IQGAP2: variants seen among roughly 807,000 people sequenced by gnomAD.
IQGAP2 encodes the protein ras GTPase-activating-like protein IQGAP2.
Under a neutral mutation model 201.3 loss-of-function variants are expected in IQGAP2, and 173 were observed. The observed-to-expected ratio is 0.86, with a 90% confidence interval of 0.76 to 0.98. The LOEUF (loss-of-function observed/expected upper bound fraction) is 0.98. Among genes scored for constraint, IQGAP2 ranks in the 50% least tolerant of loss-of-function variants. IQGAP2 has a pLI of 0.00. For missense variants in IQGAP2, 1,687 were observed against 1,864.8 expected (o/e 0.90, Z 1.76); for synonymous variants, 675 against 673.9 (o/e 1.00, Z -0.03).
At chr5:76,701,649 C>T (rs1203226008) in intron 34 of IQGAP2, 1 of 155,052 alleles carries the variant, frequency 6.4e-6, no homozygotes, top group Non-Finnish European at 1.4e-5. Flanking sequence ...TCCTTCACAG[C>T]CCCACATCAG....
chr5:76,707,016 G>A (rs1370394399), intron 35 of IQGAP2, among the ~76,000 whole-genome samples, 184 bp from the exon 36 acceptor site: 4 of 152,212 alleles, frequency 2.6e-5, no homozygotes, highest in African/African-American at 9.6e-5. Flanking sequence ...CTGGCTACTC[G>A]GGAGGCTGAG....
chr5:76,621,926 C>T (rs898155240), intron 13 of IQGAP2, among the ~76,000 whole-genome samples: 5 of 152,186 alleles, frequency 3.3e-5, no homozygotes, highest in African/African-American at 1.2e-4. Context: ...GGAGAGAATA[C>T]AGTCATGGAT....
chr5:76,698,449 A>AT (rs1271116539), intron 33 of IQGAP2, among the ~76,000 whole-genome samples: 1 of 152,120 alleles, frequency 6.6e-6, no homozygotes, highest in African/African-American at 2.4e-5. Flanking sequence ...TTAGCCAAAG[A>AT]TTTTTTTAAA....
At position 76,473,833 on chromosome 5, in the gene IQGAP2, T is replaced by C. The variant is rs151041661; in HGVS notation, c.146+12164T>C. ...GGCTTTTTGTTGAAACATCAAAAGG[T>C]ATGAGTAGCAAACAGCACTGAGATC... On this transcript the variant is annotated intron_variant, in intron 2 of 35. Transcript: ENST00000274364. Among the ~76,000 whole-genome samples the C allele has an allele frequency of 9.2e-5, 14 of 152,256 alleles. No individual in the cohort carries two copies. The East Asian group carries it at 2.5e-3, about 27-fold the overall frequency.
intron 2 of IQGAP2, among the ~76,000 whole-genome samples, chr5:76,540,054 T>C (rs895804291): frequency 6.6e-6 from 1 of 152,150 alleles, no homozygotes; most frequent in African/African-American, 2.4e-5. Flanking sequence ...TTTAATTAGC[T>C]GCAGGAATTG....
rs1264699694 is a variant in IQGAP2, at chr5:76,592,882, GC to G, written c.865del (p.Leu289Ter). The G allele has an allele frequency of 3.1e-6, 5 of 1,612,640 alleles. No homozygotes were observed. The African/African-American group carries it at 6.7e-5, about 22-fold the overall frequency. ...AAGAAAGAGATGCTTATGAAGAACT[GC>G]TGACACAAGCAGAAATCCAAGGCAA... ...EEERDAYEELLTQAEIQGNIN... is the reference protein window; with the variant it reads ...EEERDAYEELXTQAEIQGNIN... On this transcript the variant is annotated frameshift_variant, in exon 9 of 36. Coordinates refer to ENST00000274364, the MANE Select transcript of IQGAP2 (RefSeq NM_006633.5). LOFTEE classifies it high-confidence loss of function.
chr5:76,450,905 T>A (rs1753698356), intron 1 of IQGAP2, among the ~76,000 whole-genome samples: 1 of 152,126 alleles, frequency 6.6e-6, no homozygotes, highest in African/African-American at 2.4e-5. Context: ...GAGAGCTGAG[T>A]TTTTGGCAAT....
chr5:76,609,048 C>T (rs1748041679), intron 12 of IQGAP2: 1 of 1,511,874 alleles, frequency 6.6e-7, no homozygotes, highest in Non-Finnish European at 8.9e-7. Flanking sequence ...TCCCAGAGGG[C>T]TTCTGGGTAA....
intron 21 of IQGAP2, among the ~76,000 whole-genome samples, chr5:76,663,489 A>AT (rs1173692505): frequency 1.3e-5 from 2 of 152,174 alleles, no homozygotes; most frequent in African/African-American, 4.8e-5. Context: ...GTCGCATGCC[A>AT]TTAGGGTCAT....
intron 15 of IQGAP2, among the ~76,000 whole-genome samples, chr5:76,633,884 C>T (rs1033496721): frequency 1.3e-5 from 2 of 152,068 alleles, no homozygotes; most frequent in Non-Finnish European, 1.5e-5. Flanking sequence ...GGCTAATATT[C>T]CATTGTATGA....
chr5:76,571,185 G>GT (rs1267255513), intron 4 of IQGAP2, among the ~76,000 whole-genome samples: 4 of 150,578 alleles, frequency 2.7e-5, no homozygotes, highest in Admixed American at 2.6e-4. Context: ...GTAAATTATT[G>GT]TTATTATTAT....
At chr5:76,567,178 G>T (rs1057347834) in intron 3 of IQGAP2, among the ~76,000 whole-genome samples, 1 of 152,130 alleles carries the variant, frequency 6.6e-6, no homozygotes, top group Non-Finnish European at 1.5e-5. Context: ...ATTAACTTTG[G>T]CTCTCTGAGC....
At chr5:76,632,305 G>A (rs760749461) in intron 15 of IQGAP2, among the ~76,000 whole-genome samples, 5 of 152,074 alleles carry the variant, frequency 3.3e-5, no homozygotes, top group Non-Finnish European at 5.9e-5. Flanking sequence ...TCATTTATTC[G>A]TGTGAGTAGA....
intron 2 of IQGAP2, among the ~76,000 whole-genome samples, chr5:76,548,049 A>G (rs1196817199): frequency 6.6e-6 from 1 of 152,032 alleles, no homozygotes; most frequent in African/African-American, 2.4e-5. Flanking sequence ...TTTGTTAACA[A>G]TTGTTTCTTG....
intron 2 of IQGAP2, among the ~76,000 whole-genome samples, chr5:76,470,038 A>T (rs1702019700): frequency 6.6e-6 from 1 of 152,176 alleles, no homozygotes; most frequent in African/African-American, 2.4e-5. Context: ...CTCACAGTTC[A>T]CGTGGGGCAC....
At chr5:76,481,936 T>C (rs1340805789) in intron 2 of IQGAP2, among the ~76,000 whole-genome samples, 1 of 152,170 alleles carries the variant, frequency 6.6e-6, no homozygotes, top group East Asian at 1.9e-4. Context: ...GGTTACAGGG[T>C]TGTGTTTCAT....
intron 20 of IQGAP2, among the ~76,000 whole-genome samples, chr5:76,656,706 T>G (rs1292175127): frequency 1.3e-5 from 2 of 152,120 alleles, no homozygotes; most frequent in Non-Finnish European, 2.9e-5. Context: ...CAAATTCCAA[T>G]TTTAAAATCT....
intron 12 of IQGAP2, chr5:76,607,646 C>T (rs1164065608): frequency 6.6e-6 from 1 of 152,200 alleles, no homozygotes; most frequent in African/African-American, 2.4e-5. Flanking sequence ...AGACGTTAGT[C>T]AAGACGCAAG....
intron 2 of IQGAP2, among the ~76,000 whole-genome samples, chr5:76,472,086 G>C (rs575646002): frequency 1.3e-5 from 2 of 152,338 alleles, no homozygotes; most frequent in East Asian, 3.9e-4. Flanking sequence ...AGTGAGCTGA[G>C]AGCAGGGACC....
Sources: gnomAD v4.1 joint callset for allele counts (sites outside exome capture counted in the v4.1 genomes callset) on GRCh38, gnomAD v4.1.1 for gene constraint, MANE v1.5 for transcripts, NCBI Gene and HGNC (gene_info 2026-07-23, HGNC 2026-07-21) for gene names.